The following EAF2 variants were observed in gnomAD, a reference collection of about 807,000 sequenced individuals.
EAF2 encodes ELL-associated factor 2.
EAF2 carries 29 observed loss-of-function variants against 29.4 expected under a neutral mutation model. The observed-to-expected ratio is 0.99, with a 90% CI of 0.73 to 1.35. The LOEUF (loss-of-function observed/expected upper bound fraction) is 1.35, where lower values mean the gene tolerates loss of function less well. EAF2 is among the 40% of genes most tolerant of loss of function. EAF2 has a pLI of 0.00. For missense variants in EAF2, 292 were observed against 312.0 expected (o/e 0.94, Z 0.48); for synonymous variants, 103 against 102.5 (o/e 1.00, Z -0.03).
intron 4 of EAF2, among the ~76,000 whole-genome samples, chr3:121,865,682 A>C (rs572217825): frequency 1.2e-4 from 18 of 152,232 alleles, no homozygotes; most frequent in African/African-American, 4.1e-4. Context: ...ATATTTTTTT[A>C]AAAAAGAAAT....
intron 4 of EAF2, among the ~76,000 whole-genome samples, chr3:121,868,206 G>A (rs971630570): frequency 6.6e-6 from 1 of 152,202 alleles, no homozygotes; most frequent in Admixed American, 6.5e-5. Context: ...AATGAAATAT[G>A]TAGCTTGAAA....
intron 1 of EAF2, among the ~76,000 whole-genome samples, chr3:121,840,515 A>AAAACAAAAAAAAAAAAAAAC (rs1708397602): frequency 1.0e-5 from 1 of 97,892 alleles, no homozygotes; most frequent in Non-Finnish European, 2.0e-5. Context: ...AAAAGAAAAA[A>AAAACAAAAAAAAAAAAAAAC]AAAAAACGGG....
At chr3:121,851,967 G>C (rs903674894) in intron 2 of EAF2, among the ~76,000 whole-genome samples, 3 of 152,060 alleles carry the variant, frequency 2.0e-5, no homozygotes, top group Non-Finnish European at 4.4e-5. Flanking sequence ...AGTTAGGAAT[G>C]GTGTTCAATT....
chr3:121,857,048 C>T lies in EAF2; in HGVS notation c.376C>T (p.Gln126Ter). The change falls in exon 4 of 6, where the codon CAA (glutamine) becomes TAA (stop). Residue 126 changes from glutamine (Q) to a stop codon, truncating the protein, a stop_gained. Transcript: ENST00000273668. LOFTEE classifies it high-confidence loss of function. ...GSSKIQYRKE[Q>*]QQQQMWNSAR... The stretch of plus-strand genomic sequence containing the variant: ...CAGTAAAATTCAGTATCGTAAAGAA[C>T]AACAGCAACAACAAATGTGGAATTC... 3 of 1,613,760 alleles carry T rather than the reference C, an allele frequency of 1.9e-6. No homozygotes were observed. Among genetic ancestry groups the T allele is most frequent in the Non-Finnish European group, 2.5e-6 (3 of 1,179,834 alleles).
chr3:121,844,231 A>G (rs906243354), intron 1 of EAF2, among the ~76,000 whole-genome samples: 4 of 152,272 alleles, frequency 2.6e-5, no homozygotes, highest in Admixed American at 1.3e-4. Flanking sequence ...AGTGTCAGTA[A>G]TTCTGTTTTA....
intron 1 of EAF2, among the ~76,000 whole-genome samples, chr3:121,838,149 C>A (rs1708339315): frequency 6.6e-6 from 1 of 152,048 alleles, no homozygotes; most frequent in South Asian, 2.1e-4. Context: ...TAAACATTGG[C>A]AGAAAAGGTA....
At position 121,835,432 on chromosome 3, in the gene EAF2, G is replaced by A. The variant is rs1166732480; in HGVS notation, c.106+41G>A. 1.9e-6 allele frequency: 3 copies of A among 1,573,206 alleles called. No homozygotes were observed. In the South Asian group the frequency reaches 3.3e-5, roughly 18 times the overall value. On this transcript the variant is annotated intron_variant, in intron 1 of 5. Transcript: ENST00000273668. ...CCGGGGATAGAGGGGGAGCCTCCCG[G>A]GATGGGGGTGAAGAGGCACAAACCC...
At chr3:121,845,459 A>AAAAAAAAAAAAAAAAAAGAAAG in intron 2 of EAF2, among the ~76,000 whole-genome samples, 1 of 96,610 alleles carries the variant, frequency 1.0e-5, no homozygotes. Context: ...AAAAAAAAAA[A>AAAAAAAAAAAAAAAAAAGAAAG]AAAGAAAGAA....
At chr3:121,866,412 T>C (rs1708927706) in intron 4 of EAF2, among the ~76,000 whole-genome samples, 1 of 152,136 alleles carries the variant, frequency 6.6e-6, no homozygotes, top group African/African-American at 2.4e-5. Context: ...AAAACCAAGA[T>C]ATCCAAGATA....
intron 5 of EAF2, among the ~76,000 whole-genome samples, chr3:121,878,188 A>G (rs953174904): frequency 2.6e-5 from 4 of 152,134 alleles, no homozygotes; most frequent in African/African-American, 4.8e-5. Flanking sequence ...AATCTTTAAC[A>G]AGGGCTGAGA....
intron 5 of EAF2, among the ~76,000 whole-genome samples, chr3:121,876,903 A>C (rs1709107683): frequency 6.6e-6 from 1 of 151,984 alleles, no homozygotes; most frequent in Non-Finnish European, 1.5e-5. Flanking sequence ...TAACAAAAGC[A>C]AAGCATTATA....
intron 2 of EAF2, among the ~76,000 whole-genome samples, chr3:121,847,377 C>A (rs1286099140): frequency 6.6e-6 from 1 of 152,046 alleles, no homozygotes; most frequent in Non-Finnish European, 1.5e-5. Flanking sequence ...GAGGGAAGGA[C>A]ATTTTAGTCA....
intron 2 of EAF2, among the ~76,000 whole-genome samples, chr3:121,848,364 C>T (rs1040156623): frequency 2.6e-5 from 4 of 152,106 alleles, no homozygotes; most frequent in African/African-American, 9.7e-5. Context: ...TTAAGTAATT[C>T]AATGGAAATA....
chr3:121,878,595 T>C (rs1709140935), intron 5 of EAF2, among the ~76,000 whole-genome samples: 2 of 152,162 alleles, frequency 1.3e-5, no homozygotes, highest in South Asian at 4.1e-4. Flanking sequence ...ATCATTCTAC[T>C]CTCTATCTCC....
intron 1 of EAF2, 112 bp downstream of exon 1, chr3:121,835,503 C>T (rs2107482270): frequency 3.2e-6 from 3 of 932,086 alleles, no homozygotes; most frequent in East Asian, 2.7e-5. Context: ...TTGGAGACTA[C>T]GGGGCGGGGA....
At chr3:121,860,947 G>A (rs748070758) in intron 4 of EAF2, among the ~76,000 whole-genome samples, 23 of 152,126 alleles carry the variant, frequency 1.5e-4, no homozygotes, top group Middle Eastern at 3.4e-3. Flanking sequence ...TCATTCAGGA[G>A]CAGGTTGTTC....
intron 4 of EAF2, among the ~76,000 whole-genome samples, chr3:121,869,487 C>G (rs1047488458): frequency 1.3e-5 from 2 of 152,100 alleles, no homozygotes; most frequent in Non-Finnish European, 2.9e-5. Context: ...ACAGAAGGCA[C>G]AAATTACGAA....
At chr3:121,867,528 T>G (rs888343809) in intron 4 of EAF2, among the ~76,000 whole-genome samples, 10 of 152,188 alleles carry the variant, frequency 6.6e-5, no homozygotes. Flanking sequence ...ATGTTAAGTG[T>G]GAATTCTGTA....
Position 121,862,814 on chromosome 3 carries a change from G to A in EAF2, c.484+5658G>A, listed in dbSNP as rs955032584. On this transcript the variant is annotated intron_variant, in intron 4 of 5. Coordinates refer to ENST00000273668, the MANE Select transcript of EAF2 (RefSeq NM_018456.6). ...TTTCTCCCCATCTTTTATCCCAAAA[G>A]GTAGATAAAGGTTTTATCTACCTTT... Among the ~76,000 whole-genome samples, 15 of 152,166 alleles carry A rather than the reference G, an allele frequency of 9.9e-5. 1 individual carries two copies. The highest frequency in any genetic ancestry group is 9.8e-4 in the Admixed American group (15 of 15,288).
Sources: allele counts gnomAD v4.1 joint callset (sites outside exome capture counted in the v4.1 genomes callset), GRCh38; gene constraint gnomAD v4.1.1; transcripts MANE v1.5; gene names NCBI Gene and HGNC (gene_info 2026-07-23, HGNC 2026-07-21).